Variants in PDE4D observed in about 807,000 individuals in gnomAD.
PDE4D encodes phosphodiesterase 4D.
PDE4D carries 24 observed loss-of-function variants against 87.4 expected under a neutral mutation model. The ratio of observed to expected loss-of-function variants is 0.27; its 90% confidence interval spans 0.20 to 0.39. The LOEUF is 0.39. Ranked by LOEUF, PDE4D falls within the 10% of genes least tolerant of loss-of-function variation. PDE4D has a pLI of 1.00. For missense variants in PDE4D, 714 were observed against 1,041.0 expected, an observed-to-expected ratio of 0.69 and a Z score of 4.32; for synonymous variants, 384 against 383.2, an observed-to-expected ratio of 1.00 and a Z score of -0.02.
intron 1 of PDE4D, among the ~76,000 whole-genome samples, chr5:60,276,830 A>G (rs1010619915): frequency 2.0e-5 from 3 of 151,558 alleles, no homozygotes; most frequent in African/African-American, 7.3e-5. Context: ...TTTTGCTCTG[A>G]GGTCTACCTT....
intron 1 of PDE4D, among the ~76,000 whole-genome samples, chr5:59,276,822 T>C (rs921696260): frequency 9.2e-5 from 14 of 152,070 alleles, no homozygotes; most frequent in African/African-American, 3.4e-4. Context: ...CTCTTATTAT[T>C]TCGAAGGCCA....
intron 1 of PDE4D, among the ~76,000 whole-genome samples, chr5:59,317,731 G>T (rs1042171697): frequency 1.3e-5 from 2 of 152,138 alleles, no homozygotes; most frequent in Non-Finnish European, 2.9e-5. Context: ...GAGATGCCTT[G>T]TTCATAGGAA....
chr5:59,518,316 A>T (rs1040108708), intron 1 of PDE4D, among the ~76,000 whole-genome samples: 1 of 152,150 alleles, frequency 6.6e-6, no homozygotes, highest in African/African-American at 2.4e-5. Context: ...TGCTAAAAAA[A>T]AAAATAAAGC....
rs558797288 is a variant in PDE4D, at chr5:60,141,435, A to G, written c.42+44122T>C. Among the ~76,000 whole-genome samples the G allele has an allele frequency of 5.4e-4, 82 of 152,272 alleles. 1 individual carries two copies. The highest frequency in any genetic ancestry group is 1.9e-3 in the African/African-American group (78 of 41,556). On this transcript the variant is annotated intron_variant, in intron 2 of 16. Coordinates refer to the PDE4D transcript ENST00000502484. ...ACAGAACAAGTAAGAAAACATGGAAAATATACTGAGGCAGAGAGTAGAAGG... is the reference window on the plus strand; with the variant it reads ...ACAGAACAAGTAAGAAAACATGGAAGATATACTGAGGCAGAGAGTAGAAGG...
At chr5:59,857,191 C>G (rs920050580) in intron 1 of PDE4D, among the ~76,000 whole-genome samples, 1 of 152,192 alleles carries the variant, frequency 6.6e-6, no homozygotes, top group African/African-American at 2.4e-5. Context: ...ATCTACATCT[C>G]CCTTATGCCC....
intron 5 of PDE4D, among the ~76,000 whole-genome samples, chr5:59,123,515 T>C (rs571125992): frequency 2.0e-5 from 3 of 152,208 alleles, no homozygotes; most frequent in Non-Finnish European, 4.4e-5. Flanking sequence ...TACATTGTTA[T>C]CTTGCCATCA....
rs547836469 is a variant in PDE4D at position 59,906,480 on chromosome 5, A to G, written c.272+82008T>C. On this transcript the variant is annotated intron_variant, in intron 3 of 16. Coordinates refer to the PDE4D transcript ENST00000502484. Reference sequence around the variant, plus strand: ...CAGCTCGCTATCTGTTTTTGTAAATAAAGTTTTATTGGAACATAGCCAAAC... The same window carrying G: ...CAGCTCGCTATCTGTTTTTGTAAATGAAGTTTTATTGGAACATAGCCAAAC... Among the ~76,000 whole-genome samples the G allele has an allele frequency of 5.3e-5, 8 of 152,262 alleles. No individual in the cohort carries two copies. In the South Asian group the frequency reaches 1.7e-3, roughly 32 times the overall value.
intron 1 of PDE4D, among the ~76,000 whole-genome samples, chr5:60,485,990 T>G (rs895705447): frequency 2.6e-5 from 4 of 152,350 alleles, no homozygotes; most frequent in Non-Finnish European, 4.4e-5. Flanking sequence ...TTAAGCATTT[T>G]TATGTGATTC....
At chr5:60,299,585 G>A (rs375401687) in intron 1 of PDE4D, among the ~76,000 whole-genome samples, 125 of 152,164 alleles carry the variant, frequency 8.2e-4, no homozygotes, top group African/African-American at 2.9e-3. Context: ...CCCAGTGTGT[G>A]TTGTTCCCCC....
intron 2 of PDE4D, among the ~76,000 whole-genome samples, chr5:60,046,852 G>A (rs1391231659): frequency 6.6e-6 from 1 of 152,118 alleles, no homozygotes; most frequent in Non-Finnish European, 1.5e-5. Flanking sequence ...TCTCTGCCTG[G>A]CTTTGGTATC....
rs138111652 is a variant in PDE4D, at chr5:59,767,541, G to A, written c.455+125627C>T. ...TCCAGAAAAATACATGGAAGCATAT[G>A]CATGAAACAAATTCACCCATTATAA... On this transcript the variant is annotated intron_variant, in intron 1 of 14. Transcript: ENST00000340635. 3.0e-3 allele frequency among the ~76,000 whole-genome samples: 458 copies of A among 151,764 alleles called. 3 individuals are homozygous for A. Among genetic ancestry groups the A allele is most frequent in the African/African-American group, 0.011 (446 of 41,374 alleles).
chr5:60,475,823 G>GAAAAAAA (rs397792795), intron 1 of PDE4D, among the ~76,000 whole-genome samples: 1,145 of 94,974 alleles, frequency 0.012, 62 homozygotes, highest in East Asian at 0.12. Flanking sequence ...TCTGTTAAAT[G>GAAAAAAA]AAAAAAAAAA....
chr5:59,009,196 C>A (rs1752267249), intron 6 of PDE4D, among the ~76,000 whole-genome samples: 1 of 152,002 alleles, frequency 6.6e-6, no homozygotes, highest in Admixed American at 6.5e-5. Context: ...AGTAGAGTGA[C>A]CATATGACCC....
At chr5:59,689,498 A>C (rs1750526403) in intron 1 of PDE4D, among the ~76,000 whole-genome samples, 1 of 152,178 alleles carries the variant, frequency 6.6e-6, no homozygotes, top group Non-Finnish European at 1.5e-5. Flanking sequence ...GATGCAGAAA[A>C]GGCGTTTGAC....
chr5:59,960,215 G>T (rs142865144), intron 3 of PDE4D, among the ~76,000 whole-genome samples: 1 of 151,962 alleles, frequency 6.6e-6, no homozygotes, highest in Non-Finnish European at 1.5e-5. Flanking sequence ...TTGGCGAGAC[G>T]GTAGAGAAAA....
intron 1 of PDE4D, among the ~76,000 whole-genome samples, chr5:60,458,917 C>T (rs1003468837): frequency 5.9e-5 from 9 of 151,844 alleles, no homozygotes; most frequent in African/African-American, 2.2e-4. Flanking sequence ...CTTTGAAGCT[C>T]GAAAACAAAG....
At chr5:59,405,725 T>G (rs1047452671) in intron 1 of PDE4D, among the ~76,000 whole-genome samples, 7 of 152,184 alleles carry the variant, frequency 4.6e-5, no homozygotes, top group Non-Finnish European at 8.8e-5. Flanking sequence ...ATCCTCAGTT[T>G]TTTGAGTTTT....
intron 1 of PDE4D, among the ~76,000 whole-genome samples, chr5:59,560,479 T>A (rs927832738): frequency 6.6e-6 from 1 of 152,230 alleles, no homozygotes; most frequent in Non-Finnish European, 1.5e-5. Context: ...TTTGGCACCA[T>A]GACTGTGAGA....
At chr5:59,474,230 T>C (rs1346916005) in intron 1 of PDE4D, among the ~76,000 whole-genome samples, 1 of 152,180 alleles carries the variant, frequency 6.6e-6, no homozygotes, top group Non-Finnish European at 1.5e-5. Context: ...GTTCATTATA[T>C]GCCACTGTGT....
Sources: allele counts gnomAD v4.1 joint callset (sites outside exome capture counted in the v4.1 genomes callset), GRCh38; gene constraint gnomAD v4.1.1; transcripts MANE v1.5; gene names NCBI Gene and HGNC (gene_info 2026-07-23, HGNC 2026-07-21).